The following MALRD1 variants were observed in gnomAD, a reference collection of about 807,000 sequenced individuals.
MALRD1 encodes the protein MAM and LDL receptor class A domain containing 1.
In MALRD1, 247 loss-of-function variants were observed where a neutral mutation model predicts 242.1. The ratio of observed to expected loss-of-function variants is 1.02; its 90% CI spans 0.92 to 1.13. The LOEUF is 1.13. MALRD1 is among the 50% of genes most tolerant of loss of function. MALRD1 has a pLI of 0.00. For missense variants in MALRD1, 2,989 were observed against 2,533.1 expected, an observed-to-expected ratio of 1.18 and a Z score of -3.86; for synonymous variants, 995 against 866.6, an observed-to-expected ratio of 1.15 and a Z score of -2.60.
intron 21 of MALRD1, among the ~76,000 whole-genome samples, chr10:19,300,633 A>T (rs371596628): frequency 3.3e-5 from 5 of 151,946 alleles, no homozygotes; most frequent in East Asian, 1.9e-4. Context: ...TCAATAAACA[A>T]TGCTGGGATA....
rs1391209246 is a variant in MALRD1 at position 19,654,568 on chromosome 10, G to A, written c.6138-37714G>A. On this transcript the variant is annotated intron_variant, in intron 36 of 39. Coordinates refer to ENST00000454679, the MANE Select transcript of MALRD1 (RefSeq NM_001142308.3). The stretch of plus-strand genomic sequence containing the variant: ...TATTTGAGAAAGGAAACCTTTGCTG[G>A]TAGTAAATGACTGTCTTTTCTTTGC... 3.3e-5 allele frequency among the ~76,000 whole-genome samples: 5 copies of A among 152,296 alleles called. No homozygotes were observed. The South Asian group carries it at 6.2e-4, about 19-fold the overall frequency.
chr10:19,661,014 G>A (rs911510215), intron 36 of MALRD1, among the ~76,000 whole-genome samples: 2 of 152,124 alleles, frequency 1.3e-5, no homozygotes, highest in Non-Finnish European at 2.9e-5. Flanking sequence ...CATTTATGCA[G>A]CCAACAGACA....
At chr10:19,431,541 G>A (rs1337117458) in intron 28 of MALRD1, among the ~76,000 whole-genome samples, 4 of 151,910 alleles carry the variant, frequency 2.6e-5, no homozygotes, top group African/African-American at 4.8e-5. Flanking sequence ...AGATAGTATT[G>A]GTTTTCAGAA....
chr10:19,115,642 A>G lies in MALRD1; in HGVS notation c.695-7850A>G, dbSNP rs558833978. ...TATTTTACCATATATGTTTCTCTTT[A>G]CTATAAAAATATATCATGAGGTCAG... On this transcript the variant is annotated intron_variant, in intron 5 of 39. Transcript: ENST00000454679. 2.6e-5 allele frequency among the ~76,000 whole-genome samples: 4 copies of G among 151,112 alleles called. No homozygotes were observed. In the South Asian group the frequency reaches 8.5e-4, roughly 32 times the overall value.
At chr10:19,126,217 G>T (rs1415395005) in intron 7 of MALRD1, among the ~76,000 whole-genome samples, 6 of 152,054 alleles carry the variant, frequency 3.9e-5, no homozygotes, top group African/African-American at 1.4e-4. Flanking sequence ...TATGATGAGT[G>T]CAGGAATGAG....
intron 29 of MALRD1, among the ~76,000 whole-genome samples, chr10:19,454,830 A>G (rs185379851): frequency 1.3e-5 from 2 of 151,926 alleles, no homozygotes; most frequent in South Asian, 2.1e-4. Flanking sequence ...TTTAAGTTTC[A>G]TATTTCTTTC....
chr10:19,163,222 T>C (rs1260356715), intron 12 of MALRD1, among the ~76,000 whole-genome samples: 1 of 147,380 alleles, frequency 6.8e-6, no homozygotes, highest in Admixed American at 6.8e-5. Context: ...ATTGCAGCGC[T>C]ATTTACAATA....
At chr10:19,427,339 T>G (rs1222360515) in intron 28 of MALRD1, among the ~76,000 whole-genome samples, 1 of 152,232 alleles carries the variant, frequency 6.6e-6, no homozygotes, top group Non-Finnish European at 1.5e-5. Flanking sequence ...TATTTTTATA[T>G]ACGTAATAAA....
intron 33 of MALRD1, among the ~76,000 whole-genome samples, chr10:19,591,003 C>G (rs1365765753): frequency 6.6e-6 from 1 of 152,154 alleles, no homozygotes; most frequent in Non-Finnish European, 1.5e-5. Context: ...TAATATGACA[C>G]ATACAGTTAG....
chr10:19,626,129 G>T (rs1446783568), intron 36 of MALRD1, among the ~76,000 whole-genome samples: 2 of 152,036 alleles, frequency 1.3e-5, no homozygotes, highest in Non-Finnish European at 2.9e-5. Context: ...AGACAATTTT[G>T]TAGAGAAACA....
At chr10:19,619,868 A>C (rs184473548) in intron 36 of MALRD1, among the ~76,000 whole-genome samples, 303 of 152,134 alleles carry the variant, frequency 2.0e-3, no homozygotes, top group Middle Eastern at 6.8e-3. Context: ...AATAAAGGCC[A>C]GGTTCAGTGG....
chr10:19,170,107 G>A (rs1834861379), intron 13 of MALRD1, among the ~76,000 whole-genome samples: 1 of 152,168 alleles, frequency 6.6e-6, no homozygotes, highest in South Asian at 2.1e-4. Flanking sequence ...TGCTGGCAAA[G>A]AATTAGGTTT....
chr10:19,599,269 GGCCTTT>G (rs1195683494), intron 34 of MALRD1, among the ~76,000 whole-genome samples: 1 of 152,086 alleles, frequency 6.6e-6, no homozygotes, highest in East Asian at 1.9e-4. Context: ...GATATTTACA[GGCCTTT>G]ATTTTTGCAG....
At chr10:19,696,968 C>T (rs540731415) in intron 38 of MALRD1, among the ~76,000 whole-genome samples, 1 of 151,932 alleles carries the variant, frequency 6.6e-6, no homozygotes, top group Non-Finnish European at 1.5e-5. Flanking sequence ...TTTTTATGAG[C>T]CTACAATATG....
chr10:19,114,423 G>T (rs1413039599), intron 5 of MALRD1, among the ~76,000 whole-genome samples: 2 of 152,098 alleles, frequency 1.3e-5, no homozygotes, highest in African/African-American at 4.8e-5. Context: ...GATCACTTGA[G>T]GTCAGGAGTT....
chr10:19,263,920 C>A (rs939821925), intron 19 of MALRD1, among the ~76,000 whole-genome samples: 1 of 152,028 alleles, frequency 6.6e-6, no homozygotes, highest in African/African-American at 2.4e-5. Flanking sequence ...TATTTGGAAT[C>A]TTTTGTAGTT....
intron 39 of MALRD1, among the ~76,000 whole-genome samples, chr10:19,732,011 T>C (rs1835316075): frequency 6.6e-6 from 1 of 152,136 alleles, no homozygotes; most frequent in Non-Finnish European, 1.5e-5. Context: ...TCAATAATGA[T>C]ATGATACACA....
chr10:19,355,083 T>C (rs1218848695), intron 26 of MALRD1, among the ~76,000 whole-genome samples: 1 of 151,870 alleles, frequency 6.6e-6, no homozygotes, highest in Non-Finnish European at 1.5e-5. Flanking sequence ...GCAGGGGCAG[T>C]GGAATTTGAG....
chr10:19,518,813 A>G (rs189332328), intron 31 of MALRD1, among the ~76,000 whole-genome samples: 2 of 152,310 alleles, frequency 1.3e-5, no homozygotes, highest in Admixed American at 6.5e-5. Context: ...ATTGGTTTCA[A>G]TTTTAGTGGC....
Sources: gnomAD v4.1 joint callset for allele counts (sites outside exome capture counted in the v4.1 genomes callset) on GRCh38, gnomAD v4.1.1 for gene constraint, MANE v1.5 for transcripts, NCBI Gene and HGNC (gene_info 2026-07-23, HGNC 2026-07-21) for gene names.